Variants in PTPRD observed in about 807,000 individuals in gnomAD.
The protein encoded by PTPRD is receptor-type tyrosine-protein phosphatase delta.
PTPRD carries 34 observed loss-of-function variants against 214.5 expected under a neutral mutation model. That is an observed-to-expected ratio of 0.16 (90% CI 0.12 to 0.21). PTPRD has a LOEUF of 0.21. PTPRD is among the 10% of genes least tolerant of loss of function. PTPRD has a pLI of 1.00. For synonymous variants in PTPRD, 1,128 were observed against 845.7 expected, an observed-to-expected ratio of 1.33 and a Z score of -5.79; for missense variants, 2,545 against 2,398.7, an observed-to-expected ratio of 1.06 and a Z score of -1.27.
At chr9:9,369,210 T>C (rs1354969970) in intron 9 of PTPRD, among the ~76,000 whole-genome samples, 1 of 152,066 alleles carries the variant, frequency 6.6e-6, no homozygotes, top group African/African-American at 2.4e-5. Flanking sequence ...GTTGAACTAG[T>C]TTACAGTCCC....
At chr9:9,488,725 A>T (rs1388699456) in intron 8 of PTPRD, among the ~76,000 whole-genome samples, 1 of 152,162 alleles carries the variant, frequency 6.6e-6, no homozygotes, top group African/African-American at 2.4e-5. Context: ...TAAGGCTTGC[A>T]ACTTCCAGGT....
At chr9:8,421,982 T>C (rs894896606) in intron 35 of PTPRD, among the ~76,000 whole-genome samples, 1 of 151,446 alleles carries the variant, frequency 6.6e-6, no homozygotes, top group Non-Finnish European at 1.5e-5. Context: ...ACCTCATCTC[T>C]ACAAAAAATG....
chr9:10,450,771 T>A (rs1272583045), intron 2 of PTPRD, among the ~76,000 whole-genome samples: 1 of 152,008 alleles, frequency 6.6e-6, no homozygotes, highest in Non-Finnish European at 1.5e-5. Flanking sequence ...TCAGAAGACT[T>A]AAAAGATTTT....
chr9:9,604,264 T>A (rs1227280479), intron 7 of PTPRD, among the ~76,000 whole-genome samples: 1 of 152,128 alleles, frequency 6.6e-6, no homozygotes, highest in Non-Finnish European at 1.5e-5. Flanking sequence ...CACATTTAAA[T>A]GTATTTCTTT....
intron 2 of PTPRD, among the ~76,000 whole-genome samples, chr9:10,570,568 A>G (rs931806530): frequency 9.2e-5 from 14 of 152,112 alleles, no homozygotes; most frequent in African/African-American, 3.1e-4. Flanking sequence ...ATGCACACAC[A>G]TACACACACA....
chr9:10,169,473 C>CAAAAAAAAAAAAAAAAAAAA (rs59335943), intron 3 of PTPRD, among the ~76,000 whole-genome samples: 27 of 66,838 alleles, frequency 4.0e-4, no homozygotes, highest in African/African-American at 1.9e-3. Context: ...GACTCTGTCT[C>CAAAAAAAAAAAAAAAAAAAA]AAAAAAAAAA....
chr9:8,551,954 T>C (rs556007391), intron 14 of PTPRD, among the ~76,000 whole-genome samples: 27 of 152,304 alleles, frequency 1.8e-4, no homozygotes, highest in African/African-American at 5.1e-4. Context: ...ATAATCTATG[T>C]TGGGATTTGA....
intron 23 of PTPRD, among the ~76,000 whole-genome samples, chr9:8,502,867 C>T (rs1348895421): frequency 8.5e-5 from 12 of 141,322 alleles, no homozygotes; most frequent in African/African-American, 2.9e-4. Context: ...TATATATACA[C>T]ACACACACAT....
chr9:9,092,712 A>G (rs1286117945), intron 10 of PTPRD, among the ~76,000 whole-genome samples: 2 of 152,120 alleles, frequency 1.3e-5, no homozygotes, highest in African/African-American at 4.8e-5. Flanking sequence ...ATCATTTAAG[A>G]TATACAAACT....
chr9:8,775,193 G>A (rs1337055961), intron 11 of PTPRD, among the ~76,000 whole-genome samples: 1 of 152,186 alleles, frequency 6.6e-6, no homozygotes, highest in Non-Finnish European at 1.5e-5. Flanking sequence ...GCAAACAGCA[G>A]AAGGTGAGGC....
At chr9:9,710,566 A>G (rs1055076059) in intron 7 of PTPRD, among the ~76,000 whole-genome samples, 11 of 152,014 alleles carry the variant, frequency 7.2e-5, no homozygotes, top group Non-Finnish European at 2.9e-5. Context: ...AATTCAGGTC[A>G]TTCTGACTCC....
intron 3 of PTPRD, among the ~76,000 whole-genome samples, chr9:10,066,509 A>G (rs1160194276): frequency 1.3e-5 from 2 of 151,940 alleles, no homozygotes; most frequent in African/African-American, 4.8e-5. Context: ...TATGACACTT[A>G]GTAGCTCTTT....
At chr9:9,845,016 ATG>A (rs1165333969) in intron 5 of PTPRD, among the ~76,000 whole-genome samples, 1 of 147,270 alleles carries the variant, frequency 6.8e-6, no homozygotes, top group African/African-American at 2.5e-5. Context: ...GAAATACTGT[ATG>A]TATATATATA....
intron 10 of PTPRD, among the ~76,000 whole-genome samples, chr9:9,088,621 T>G (rs560959215): frequency 6.9e-4 from 93 of 134,808 alleles, no homozygotes; most frequent in South Asian, 5.0e-3. Flanking sequence ...AAGTCTGGCT[T>G]GCAGTAGATG....
intron 9 of PTPRD, among the ~76,000 whole-genome samples, chr9:9,356,121 T>C (rs2053669902): frequency 6.6e-6 from 1 of 150,882 alleles, no homozygotes; most frequent in Non-Finnish European, 1.5e-5. Flanking sequence ...GAAAAAGGAG[T>C]ATAGACATTA....
At chr9:9,814,132 G>A (rs1236615312) in intron 5 of PTPRD, among the ~76,000 whole-genome samples, 6 of 152,070 alleles carry the variant, frequency 3.9e-5, no homozygotes, top group Non-Finnish European at 5.9e-5. Context: ...TTTAGGTGTA[G>A]AAGACATGTA....
intron 36 of PTPRD, among the ~76,000 whole-genome samples, chr9:8,394,108 T>G (rs1313543342): frequency 6.6e-6 from 1 of 152,014 alleles, no homozygotes; most frequent in Non-Finnish European, 1.5e-5. Flanking sequence ...GTTACAGTTT[T>G]CAGTGGAAAA....
intron 39 of PTPRD, among the ~76,000 whole-genome samples, chr9:8,353,182 C>T (rs1200336796): frequency 1.3e-5 from 2 of 152,150 alleles, no homozygotes; most frequent in Non-Finnish European, 2.9e-5. Context: ...TTGGAAGGCT[C>T]TAAATCTGTG....
chr9:9,990,122 T>C (rs2095862415), intron 4 of PTPRD, among the ~76,000 whole-genome samples: 1 of 152,198 alleles, frequency 6.6e-6, no homozygotes, highest in African/African-American at 2.4e-5. Flanking sequence ...TCTCTTTCTA[T>C]GGATGAAAGG....
Sources: allele counts gnomAD v4.1 joint callset (sites outside exome capture counted in the v4.1 genomes callset), GRCh38; gene constraint gnomAD v4.1.1; transcripts MANE v1.5; gene names NCBI Gene and HGNC (gene_info 2026-07-23, HGNC 2026-07-21).